Variants in LIPC observed in about 807,000 individuals in gnomAD.
LIPC encodes the protein hepatic triacylglycerol lipase.
A neutral mutation model predicts 50.7 loss-of-function variants in LIPC; 44 were observed. The observed-to-expected ratio is 0.87, with a 90% CI of 0.68 to 1.11. LIPC has a LOEUF of 1.11. Among genes scored for constraint, LIPC ranks in the 50% most tolerant of loss-of-function variants. LIPC has a pLI of 0.00. For missense variants in LIPC, 697 were observed against 648.2 expected (o/e 1.08, Z -0.82); for synonymous variants, 271 against 256.4 (o/e 1.06, Z -0.54).
rs148420186 is a variant in LIPC, at chr15:58,540,497, G to A, written c.274-1288G>A. Among the ~76,000 whole-genome samples the A allele has an allele frequency of 5.6e-4, 86 of 152,304 alleles. No homozygotes were observed. In the Middle Eastern group the frequency reaches 0.027, roughly 48 times the overall value. ...AAGGTTACTCAGCTAGAAACTAGGA[G>A]AGCCTAGATTTGAACCCAAGATGCT... On this transcript the variant is annotated intron_variant, in intron 2 of 8. Transcript: ENST00000299022.
chr15:58,524,796 A>G (rs1166572418), intron 1 of LIPC, among the ~76,000 whole-genome samples: 5 of 152,114 alleles, frequency 3.3e-5, no homozygotes, highest in Non-Finnish European at 7.3e-5. Context: ...TAGGCATTCT[A>G]TAGATATCGG....
intron 1 of LIPC, among the ~76,000 whole-genome samples, chr15:58,471,713 G>T (rs527660599): frequency 4.6e-5 from 7 of 152,248 alleles, no homozygotes; most frequent in African/African-American, 1.4e-4. Flanking sequence ...CCAAATGAAT[G>T]AATTGAGCCA....
At chr15:58,532,722 G>A (rs7171589) in intron 1 of LIPC, among the ~76,000 whole-genome samples, 144,297 of 152,226 alleles carry the variant, frequency 0.95, 68,872 homozygotes, top group Middle Eastern at 1. Flanking sequence ...GACTCCAATC[G>A]GGCCTCCTAT....
At chr15:58,432,439 T>G (rs1893155364) in intron 1 of LIPC, 1 of 370,336 alleles carries the variant, frequency 2.7e-6, no homozygotes, top group Admixed American at 3.8e-5. Flanking sequence ...ATTCAGATCT[T>G]CCTGAGAGTT....
intron 1 of LIPC, among the ~76,000 whole-genome samples, chr15:58,487,157 A>G (rs987326067): frequency 4.6e-5 from 7 of 152,212 alleles, no homozygotes; most frequent in African/African-American, 1.4e-4. Flanking sequence ...TCAAGTACTT[A>G]TGAGATTTTC....
chr15:58,550,927 G>C lies in LIPC; in HGVS notation c.1051+2355G>C, dbSNP rs578219155. 5.6e-4 allele frequency among the ~76,000 whole-genome samples: 82 copies of C among 147,248 alleles called. 1 individual carries two copies. The highest frequency in any genetic ancestry group is 2.1e-3 in the African/African-American group (81 of 38,620). Reference sequence around the variant, plus strand: ...TCTTGGCTCACTGCAACCTCCACCTGCAGGGTTCAAGTGATTCTCCTGCCT... The same window carrying C: ...TCTTGGCTCACTGCAACCTCCACCTCCAGGGTTCAAGTGATTCTCCTGCCT... On this transcript the variant is annotated intron_variant, in intron 6 of 8. Coordinates refer to ENST00000299022, the MANE Select transcript of LIPC (RefSeq NM_000236.3).
intron 1 of LIPC, among the ~76,000 whole-genome samples, chr15:58,510,345 T>G (rs2140856081): frequency 6.6e-6 from 1 of 152,354 alleles, no homozygotes; most frequent in South Asian, 2.1e-4. Context: ...TTGCTTGCCT[T>G]TTTGAGTGGC....
At chr15:58,444,227 T>G (rs1374005855) in intron 1 of LIPC, among the ~76,000 whole-genome samples, 1 of 152,030 alleles carries the variant, frequency 6.6e-6, no homozygotes, top group Non-Finnish European at 1.5e-5. Context: ...CTTCCTGAGG[T>G]TAATGATTGG....
At chr15:58,474,015 C>T (rs921518010) in intron 1 of LIPC, 1 of 152,326 alleles carries the variant, frequency 6.6e-6, no homozygotes, top group African/African-American at 2.4e-5. Flanking sequence ...GCAGCCACAT[C>T]AGGTACATGT....
At chr15:58,467,733 CAT>C (rs1411208272) in intron 1 of LIPC, among the ~76,000 whole-genome samples, 2 of 152,220 alleles carry the variant, frequency 1.3e-5, no homozygotes, top group East Asian at 3.8e-4. Flanking sequence ...CCACTCTGCT[CAT>C]ATCTGAATTG....
chr15:58,444,629 T>C (rs1219675514), intron 1 of LIPC, among the ~76,000 whole-genome samples: 2 of 152,184 alleles, frequency 1.3e-5, no homozygotes, highest in African/African-American at 4.8e-5. Context: ...GTCTTCTATG[T>C]TTCTGTGTCC....
At chr15:58,499,499 A>G (rs1274723761) in intron 1 of LIPC, among the ~76,000 whole-genome samples, 2 of 152,182 alleles carry the variant, frequency 1.3e-5, no homozygotes, top group East Asian at 1.9e-4. Context: ...TTCTTCTACC[A>G]TCAACCTGAA....
At chr15:58,497,310 G>A (rs1333437196) in intron 1 of LIPC, among the ~76,000 whole-genome samples, 2 of 152,158 alleles carry the variant, frequency 1.3e-5, no homozygotes, top group African/African-American at 4.8e-5. Flanking sequence ...CACCCGTGGT[G>A]GGACAATCTG....
chr15:58,465,203 C>G (rs1381143076), intron 1 of LIPC, among the ~76,000 whole-genome samples: 2 of 152,014 alleles, frequency 1.3e-5, no homozygotes, highest in African/African-American at 4.8e-5. Flanking sequence ...TCCATGTCAC[C>G]CCCCTTCTTC....
At chr15:58,437,387 G>GA (rs559184800) in intron 1 of LIPC, among the ~76,000 whole-genome samples, 29 of 147,624 alleles carry the variant, frequency 2.0e-4, no homozygotes, top group African/African-American at 6.7e-4. Flanking sequence ...ATAATGTAGG[G>GA]AAAAAAAAAC....
chr15:58,489,227 GGGGC>G lies in LIPC; in HGVS notation c.89-49103_89-49100del, dbSNP rs1204996313. ...GGATTCATTTTGTTGCGGGGGCGGGGGGGCGGCTTACAAGCTTCCCAGGGTTCAG... is the reference window on the plus strand; with the variant it reads ...GGATTCATTTTGTTGCGGGGGCGGGGGGCTTACAAGCTTCCCAGGGTTCAG... On this transcript the variant is annotated intron_variant, in intron 1 of 8. Transcript: ENST00000299022. 7.0e-5 allele frequency among the ~76,000 whole-genome samples: 7 copies of G among 99,836 alleles called. 1 individual carries two copies. Among genetic ancestry groups the G allele is most frequent in the African/African-American group, 1.4e-4 (3 of 21,388 alleles). The allele number at this position is 99,836 out of a possible 152,430, so 65.5% of individuals were successfully genotyped here.
chr15:58,568,958 G>A lies in LIPC; in HGVS notation c.*131G>A. The A allele has an allele frequency of 3.4e-6, 2 of 596,866 alleles. No individual in the cohort carries two copies. Among genetic ancestry groups the A allele is most frequent in the Non-Finnish European group, 5.8e-6 (2 of 342,730 alleles). 37.0% of individuals were successfully genotyped at this position (596,866 alleles called of 1,614,324 possible). ...TAAATAAAGTTTAGATTTAAGGGGG[G>A]TATGTTTCACTCTCATAAACTGAGC... On this transcript the variant is annotated 3_prime_UTR_variant, in exon 9 of 9. Transcript: ENST00000299022.
At chr15:58,483,875 T>G (rs1380318807) in intron 1 of LIPC, among the ~76,000 whole-genome samples, 1 of 152,214 alleles carries the variant, frequency 6.6e-6, no homozygotes, top group Non-Finnish European at 1.5e-5. Context: ...ATATCTTAAT[T>G]CCCTCCATAC....
intron 1 of LIPC, among the ~76,000 whole-genome samples, chr15:58,471,410 A>G (rs2140743295): frequency 6.6e-6 from 1 of 151,430 alleles, no homozygotes; most frequent in South Asian, 2.1e-4. Context: ...GGCCTCCCAA[A>G]GTGCTGGGGT....
Sources: allele counts gnomAD v4.1 joint callset (sites outside exome capture counted in the v4.1 genomes callset), GRCh38; gene constraint gnomAD v4.1.1; transcripts MANE v1.5; gene names NCBI Gene and HGNC (gene_info 2026-07-23, HGNC 2026-07-21).